The following CLTC variants were observed in gnomAD, a reference collection of about 807,000 sequenced individuals.
The protein encoded by CLTC is clathrin heavy chain 1.
In CLTC, 16 loss-of-function variants were observed where a neutral mutation model predicts 195.8. The observed-to-expected ratio is 0.08, with a 90% CI of 0.06 to 0.12. The LOEUF is 0.12. CLTC is among the 10% of genes least tolerant of loss of function. The probability of loss-of-function intolerance (pLI) is 1.00; values close to 1 mark genes in which losing one functional copy is unlikely to be tolerated. For synonymous variants in CLTC, 667 were observed against 689.4 expected (o/e 0.97, Z 0.51); for missense variants, 796 against 2,027.0 (o/e 0.39, Z 11.66).
chr17:59,666,133 A>C lies in CLTC; in HGVS notation c.1675A>C (p.Ile559Leu). ...IVDVFMEYNL[I>L]QQCTAFLLDA... Reference sequence around the variant, plus strand: ...AGATGTCTTTATGGAATACAATCTAATTCAGCAGTGTACTGCATTCTTGCT... The same window carrying C: ...AGATGTCTTTATGGAATACAATCTACTTCAGCAGTGTACTGCATTCTTGCT... Residue 559 changes from isoleucine to leucine, a missense_variant, in exon 11 of 32, where the codon ATT (isoleucine) becomes CTT (leucine). Physicochemically the swap from Ile to Leu is conservative, Grantham distance 5. This residue lies in a region of CLTC where 293 missense variants were observed against 795.6 expected (regional missense o/e 0.37). Coordinates refer to ENST00000269122, the MANE Select transcript of CLTC (RefSeq NM_004859.4). The surrounding 1 kb of genome is among the most constrained non-coding windows in gnomAD (Gnocchi z 4.9). The C allele has an allele frequency of 1.2e-6, 2 of 1,612,002 alleles. No homozygotes were observed. Among genetic ancestry groups the C allele is most frequent in the Non-Finnish European group, 1.7e-6 (2 of 1,178,184 alleles).
intron 17 of CLTC, among the ~76,000 whole-genome samples, chr17:59,679,118 A>G (rs1274950936): frequency 6.6e-6 from 1 of 152,220 alleles, no homozygotes; most frequent in Non-Finnish European, 1.5e-5. Context: ...ATGTACATAC[A>G]TGTGCATATA....
chr17:59,654,200 C>T (rs763514428), intron 5 of CLTC, among the ~76,000 whole-genome samples: 9 of 151,994 alleles, frequency 5.9e-5, no homozygotes, highest in South Asian at 2.1e-4. Context: ...TTATTTGAGA[C>T]GGTCTCGCTC....
intron 31 of CLTC, among the ~76,000 whole-genome samples, chr17:59,692,669 G>A (rs1029713867): frequency 4.6e-5 from 7 of 151,908 alleles, no homozygotes; most frequent in African/African-American, 9.7e-5. Flanking sequence ...ATGGGGTCTC[G>A]TCTGTCACCC....
chr17:59,633,975 C>A (rs1436751125), intron 1 of CLTC, among the ~76,000 whole-genome samples: 1 of 152,154 alleles, frequency 6.6e-6, no homozygotes, highest in African/African-American at 2.4e-5. Context: ...GGGGTGCAGT[C>A]ACAGCTTGTT....
At chr17:59,684,146 A>G in intron 28 of CLTC, 161 bp downstream of exon 28, 1 of 573,732 alleles carries the variant, frequency 1.7e-6, no homozygotes, top group Non-Finnish European at 3.1e-6. Flanking sequence ...CTTCTAATTA[A>G]GTGCCAAGTT....
In CLTC at chr17:59,681,248, G is replaced by A. The variant is rs1266212899; in HGVS notation, c.3066-47G>A. On this transcript the variant is annotated intron_variant, in intron 19 of 31. Coordinates refer to ENST00000269122, the MANE Select transcript of CLTC (RefSeq NM_004859.4). This position sits in a 1 kb window ranked among gnomAD's most constrained non-coding sequence, Gnocchi z 5.0. Reference sequence around the variant, plus strand: ...GTCACAGTGGTTATTTTTTATGTCGGATAAACTTAAAATATTGCATTTAAA... The same window carrying A: ...GTCACAGTGGTTATTTTTTATGTCGAATAAACTTAAAATATTGCATTTAAA... 2 of 1,557,300 alleles carry A rather than the reference G, an allele frequency of 1.3e-6. No homozygotes were observed. The highest frequency in any genetic ancestry group is 2.7e-5 in the African/African-American group (2 of 72,792).
rs924369246 is a variant in CLTC, at chr17:59,637,584, C to T, written c.43-6692C>T. Among the ~76,000 whole-genome samples, 25 of 143,852 alleles carry T rather than the reference C, an allele frequency of 1.7e-4. No homozygotes were observed. In the South Asian group the frequency reaches 1.8e-3, roughly 10 times the overall value. The allele number at this position is 143,852 out of a possible 152,430, so 94.4% of individuals were successfully genotyped here. A position where few individuals can be genotyped will look rare whatever the true frequency, so the allele number is the denominator to read the frequency against. On this transcript the variant is annotated intron_variant, in intron 1 of 31. Transcript: ENST00000269122. ...AAAAAAAAAAAATTTTTTTTTTAGC[C>T]GGGTACAGTGACTCATGCCTGTAAT... is the stretch of plus-strand genomic sequence containing the variant.
At chr17:59,638,356 A>G (rs1226880299) in intron 1 of CLTC, among the ~76,000 whole-genome samples, 3 of 152,010 alleles carry the variant, frequency 2.0e-5, no homozygotes, top group African/African-American at 4.8e-5. Context: ...ACAGAAGGCA[A>G]TATCTGTTGA....
In CLTC at chr17:59,677,100, G is replaced by A. The variant is rs1598236571; in HGVS notation, c.2708G>A (p.Arg903His). Residue 903 changes from arginine to histidine, a missense_variant, in exon 17 of 32, where the codon CGC becomes CAC. Physicochemically the swap from Arg to His is conservative, Grantham distance 29. Around this residue, in one of 9 missense-constraint regions of CLTC, gnomAD observed 160 missense variants for 448.2 expected, o/e 0.36. Coordinates refer to ENST00000269122, the MANE Select transcript of CLTC (RefSeq NM_004859.4). ...FLRENPYYDS[R>H]VVGKYCEKRD... is the part of the protein sequence containing the mutation. ...CGTGAAAATCCCTACTATGACAGTC[G>A]CGTTGTTGGAAAGTATTGTGAGAAG... 3.1e-6 allele frequency: 5 copies of A among 1,614,042 alleles called. No homozygotes were observed. Among genetic ancestry groups the A allele is most frequent in the South Asian group, 1.1e-5 (1 of 91,078 alleles).
intron 14 of CLTC, among the ~76,000 whole-genome samples, chr17:59,669,757 T>C (rs2032806681): frequency 6.6e-6 from 1 of 152,170 alleles, no homozygotes; most frequent in Non-Finnish European, 1.5e-5. Flanking sequence ...TGAGACTTTA[T>C]AGAAAGTTCT....
At chr17:59,643,132 GGTGTGTGT>G (rs59380117) in intron 1 of CLTC, among the ~76,000 whole-genome samples, 197 of 142,318 alleles carry the variant, frequency 1.4e-3, no homozygotes, top group African/African-American at 4.8e-3. Context: ...TCTTTTCTGG[GGTGTGTGT>G]GTGTGTGTGT....
At chr17:59,679,359 C>A in intron 17 of CLTC, 38 bp from the exon 18 acceptor site, 7 of 1,551,306 alleles carry the variant, frequency 4.5e-6, no homozygotes, top group Non-Finnish European at 6.1e-6. Context: ...AAGTCCTTTA[C>A]TTTTTACCTT....
In CLTC at chr17:59,673,861, A is replaced by C. The variant is rs9901592; in HGVS notation, c.2418+89A>C. ...GAAATCCTTTTGAAACTCTGTGCTCAATAAGAGTGGTCTGCAGCTTTTAAC... is the reference window on the plus strand; with the variant it reads ...GAAATCCTTTTGAAACTCTGTGCTCCATAAGAGTGGTCTGCAGCTTTTAAC... On this transcript the variant is annotated intron_variant, in intron 15 of 31. Transcript: ENST00000269122. 4.2e-3 allele frequency: 3,147 copies of C among 748,278 alleles called. 62 individuals are homozygous for C. The African/African-American group carries it at 0.049, about 12-fold the overall frequency. 46.4% of individuals were successfully genotyped at this position (748,278 alleles called of 1,614,324 possible). A position where few individuals can be genotyped will look rare whatever the true frequency, so the allele number is the denominator to read the frequency against.
chr17:59,646,438 G>A (rs952946788), intron 2 of CLTC, among the ~76,000 whole-genome samples: 2 of 152,070 alleles, frequency 1.3e-5, no homozygotes, highest in Non-Finnish European at 2.9e-5. Flanking sequence ...GTAGTACAAA[G>A]CTGTATGTTT....
intron 1 of CLTC, among the ~76,000 whole-genome samples, chr17:59,636,529 C>T (rs940797845): frequency 6.6e-6 from 1 of 151,936 alleles, no homozygotes; most frequent in African/African-American, 2.4e-5. Flanking sequence ...GATCTCAGCT[C>T]ACTGCAACCT....
chr17:59,622,587 C>G (rs1004330065), intron 1 of CLTC, among the ~76,000 whole-genome samples: 6 of 152,086 alleles, frequency 3.9e-5, no homozygotes, highest in African/African-American at 1.4e-4. Context: ...GTTGCCCAGG[C>G]TAGTCTCGAA....
chr17:59,620,075 G>T lies in CLTC; in HGVS notation c.-57G>T. The T allele has an allele frequency of 6.4e-7, 1 of 1,567,558 alleles. No individual in the cohort carries two copies. The highest frequency in any genetic ancestry group is 8.8e-7 in the Non-Finnish European group (1 of 1,138,530). On this transcript the variant is annotated 5_prime_UTR_variant, in exon 1 of 32. Coordinates refer to ENST00000269122, the MANE Select transcript of CLTC (RefSeq NM_004859.4). Reference sequence around the variant, plus strand: ...TCCTCCTCTCCCTTGGAGAGCCCGGGCAGCCACTGCCCCGCAGCCCCAGTG... The same window carrying T: ...TCCTCCTCTCCCTTGGAGAGCCCGGTCAGCCACTGCCCCGCAGCCCCAGTG...
intron 16 of CLTC, 121 bp from the exon 17 acceptor site, chr17:59,676,833 G>A: frequency 5.5e-6 from 4 of 721,846 alleles, no homozygotes; most frequent in Admixed American, 2.6e-5. Flanking sequence ...TACTCGGGGG[G>A]CGGGGAAAAA....
chr17:59,635,903 A>C (rs1406537819), intron 1 of CLTC, among the ~76,000 whole-genome samples: 1 of 152,214 alleles, frequency 6.6e-6, no homozygotes. Flanking sequence ...TGCTAAAACC[A>C]GTCTGTTTAA....
Sources: gnomAD v4.1 joint callset for allele counts (sites outside exome capture counted in the v4.1 genomes callset) on GRCh38, gnomAD v4.1.1 for gene constraint, gnomAD v4.1.1 regional missense constraint, Gnocchi (gnomAD v3.1) non-coding constraint, MANE v1.5 for transcripts, NCBI Gene and HGNC (gene_info 2026-07-23, HGNC 2026-07-21) for gene names.